The following SCAPER variants were observed in gnomAD, a reference collection of about 807,000 sequenced individuals.
The protein encoded by SCAPER is S phase cyclin A-associated protein in the endoplasmic reticulum.
In SCAPER, 98 loss-of-function variants were observed where a neutral mutation model predicts 182.2. That is an observed-to-expected ratio of 0.54 (90% CI 0.46 to 0.64). SCAPER has a LOEUF of 0.64. Among genes scored for constraint, SCAPER ranks in the 30% least tolerant of loss-of-function variants. The probability of loss-of-function intolerance (pLI) is 0.00; values close to 1 mark genes in which losing one functional copy is unlikely to be tolerated. For synonymous variants in SCAPER, 605 were observed against 564.6 expected (o/e 1.07, Z -1.01); for missense variants, 1,432 against 1,690.0 (o/e 0.85, Z 2.68).
At chr15:76,745,722 G>A (rs1191019188) in intron 15 of SCAPER, among the ~76,000 whole-genome samples, 1 of 152,086 alleles carries the variant, frequency 6.6e-6, no homozygotes, top group Non-Finnish European at 1.5e-5. Flanking sequence ...AGTCACTTTG[G>A]CTTAATAAAA....
intron 22 of SCAPER, among the ~76,000 whole-genome samples, chr15:76,584,475 T>C (rs1330647484): frequency 2.0e-5 from 3 of 152,172 alleles, no homozygotes; most frequent in Non-Finnish European, 4.4e-5. Context: ...TTTACCCTGA[T>C]GTGATTATTA....
At chr15:76,743,450 G>C (rs2061647503) in intron 15 of SCAPER, among the ~76,000 whole-genome samples, 1 of 152,060 alleles carries the variant, frequency 6.6e-6, no homozygotes, top group African/African-American at 2.4e-5. Context: ...TTCTGGCAAG[G>C]TTTCAGGATA....
In SCAPER at chr15:76,731,723, T is replaced by C. The variant is rs149005502; in HGVS notation, c.2022+1506A>G. 8.5e-5 allele frequency among the ~76,000 whole-genome samples: 13 copies of C among 152,342 alleles called. No homozygotes were observed. In the East Asian group the frequency reaches 2.1e-3, roughly 25 times the overall value. On this transcript the variant is annotated intron_variant, in intron 16 of 31. Coordinates refer to ENST00000563290, the MANE Select transcript of SCAPER (RefSeq NM_020843.4). Reference sequence around the variant, plus strand: ...CAAGCATATGTAGACAGGTTTAAAATCTTTCACTGAAATTAAATCCATAGG... The same window carrying C: ...CAAGCATATGTAGACAGGTTTAAAACCTTTCACTGAAATTAAATCCATAGG...
Position 76,708,437 on chromosome 15 carries a change from T to A in SCAPER, c.2166-2453A>T, listed in dbSNP as rs543931368. Among the ~76,000 whole-genome samples, 3 of 151,026 alleles carry A rather than the reference T, an allele frequency of 2.0e-5. No individual in the cohort carries two copies. In the South Asian group the frequency reaches 6.3e-4, roughly 32 times the overall value. ...GAAAAAAAGTATACCTTTAAATATTTATATTAGAAATGCAGGGAGGGTGGG... is the reference window on the plus strand; with the variant it reads ...GAAAAAAAGTATACCTTTAAATATTAATATTAGAAATGCAGGGAGGGTGGG... On this transcript the variant is annotated intron_variant, in intron 17 of 31. Coordinates refer to ENST00000563290, the MANE Select transcript of SCAPER (RefSeq NM_020843.4).
intron 4 of SCAPER, among the ~76,000 whole-genome samples, chr15:76,848,292 G>A (rs1437299639): frequency 3.3e-5 from 5 of 149,520 alleles, no homozygotes; most frequent in South Asian, 2.1e-4. Context: ...GAGCCACCGC[G>A]CCTGGCCTAA....
rs369479682 is a variant in SCAPER, at chr15:76,649,449, CA to C, written c.2645+16203del. On this transcript the variant is annotated intron_variant, in intron 21 of 31. Transcript: ENST00000563290. ...TCCCCCTGCTCCCCACCACCACCCC[CA>C]AAAAAAAACAGCAACAACAAACAAA... Among the ~76,000 whole-genome samples the C allele has an allele frequency of 7.5e-5, 11 of 147,544 alleles. No individual in the cohort carries two copies. The South Asian group carries it at 8.6e-4, about 11-fold the overall frequency.
rs1291777460 is a variant in SCAPER, at chr15:76,601,885, A to G, written c.2711+19879T>C. On this transcript the variant is annotated intron_variant, in intron 22 of 31. Coordinates refer to ENST00000563290, the MANE Select transcript of SCAPER (RefSeq NM_020843.4). ...TTGGTATATGTGTGAGATTGGTTCC[A>G]GGAACCCCATGTAAAGCAAAATCTG... Among the ~76,000 whole-genome samples, 3 of 121,508 alleles carry G rather than the reference A, an allele frequency of 2.5e-5. 1 individual carries two copies. The highest frequency in any genetic ancestry group is 4.0e-5 in the Non-Finnish European group (2 of 50,110). 79.7% of individuals were successfully genotyped at this position (121,508 alleles called of 152,430 possible). A position where few individuals can be genotyped will look rare whatever the true frequency, so the allele number is the denominator to read the frequency against.
At chr15:76,788,504 T>C in intron 8 of SCAPER, among the ~76,000 whole-genome samples, 1 of 152,114 alleles carries the variant, frequency 6.6e-6, no homozygotes, top group Admixed American at 6.6e-5. Context: ...TCACTAAAGG[T>C]AAAAAAATTT....
intron 26 of SCAPER, among the ~76,000 whole-genome samples, chr15:76,427,630 G>C (rs980437544): frequency 2.4e-4 from 37 of 152,072 alleles, no homozygotes; most frequent in African/African-American, 8.5e-4. Context: ...AGGACTGCTT[G>C]AGCCCAGGAA....
chr15:76,572,664 C>T (rs1193035456), intron 23 of SCAPER, among the ~76,000 whole-genome samples: 4 of 152,154 alleles, frequency 2.6e-5, no homozygotes, highest in African/African-American at 9.7e-5. Flanking sequence ...CTAGCAGCAT[C>T]AATATGACTT....
chr15:76,629,430 T>C (rs759593206), intron 21 of SCAPER, among the ~76,000 whole-genome samples: 1 of 152,224 alleles, frequency 6.6e-6, no homozygotes, highest in Non-Finnish European at 1.5e-5. Context: ...TTGAAGTATG[T>C]TCCTTCAATA....
Position 76,812,088 on chromosome 15 carries a change from C to A in SCAPER, c.394-7455G>T, listed in dbSNP as rs534905374. ...TAACACTTTGGGAGGCCGAGGCAGG[C>A]AGATCACTTGAGGTCAGGAGTTCGA... On this transcript the variant is annotated intron_variant, in intron 5 of 31. Coordinates refer to ENST00000563290, the MANE Select transcript of SCAPER (RefSeq NM_020843.4). 2.0e-5 allele frequency among the ~76,000 whole-genome samples: 3 copies of A among 152,064 alleles called. No homozygotes were observed. In the South Asian group the frequency reaches 6.2e-4, roughly 32 times the overall value.
intron 22 of SCAPER, among the ~76,000 whole-genome samples, chr15:76,584,763 A>G (rs2048511066): frequency 6.6e-6 from 1 of 152,010 alleles, no homozygotes; most frequent in Non-Finnish European, 1.5e-5. Context: ...TGTTGCCCAC[A>G]CTGTTCTTGA....
intron 8 of SCAPER, among the ~76,000 whole-genome samples, chr15:76,790,205 TGG>T (rs1446645078): frequency 6.8e-6 from 1 of 146,334 alleles, no homozygotes; most frequent in East Asian, 2.0e-4. Context: ...CACTCCAGCC[TGG>T]GAGACAGAGC....
chr15:76,529,488 G>C lies in SCAPER; in HGVS notation c.2839-24514C>G, dbSNP rs139776255. Among the ~76,000 whole-genome samples, 123 of 152,354 alleles carry C rather than the reference G, an allele frequency of 8.1e-4. 2 individuals carry two copies. In the East Asian group the frequency reaches 0.023, roughly 28 times the overall value. ...GTAGTATGTTAGATGGTCAGATGTA[G>C]TCCTTTATTACCCATAAGGACCACA... On this transcript the variant is annotated intron_variant, in intron 23 of 31. Transcript: ENST00000563290.
At chr15:76,733,480 G>T in intron 15 of SCAPER, 96 bp from the exon 16 acceptor site, 1 of 1,401,934 alleles carries the variant, frequency 7.1e-7, no homozygotes, top group Non-Finnish European at 9.5e-7. Context: ...TGGGCGTGGT[G>T]GTTCACGCCT....
chr15:76,880,207 C>T (rs999495479), intron 2 of SCAPER, among the ~76,000 whole-genome samples: 7 of 152,156 alleles, frequency 4.6e-5, no homozygotes, highest in African/African-American at 1.4e-4. Flanking sequence ...TTCAGGTTAC[C>T]ACTATGAACA....
intron 23 of SCAPER, among the ~76,000 whole-genome samples, chr15:76,540,524 ATTT>A (rs2044643526): frequency 6.6e-6 from 1 of 152,120 alleles, no homozygotes; most frequent in African/African-American, 2.4e-5. Flanking sequence ...ACACGTCTAT[ATTT>A]TTATTTTTTT....
chr15:76,585,139 A>C (rs1364984623), intron 22 of SCAPER, among the ~76,000 whole-genome samples: 1 of 152,132 alleles, frequency 6.6e-6, no homozygotes, highest in Admixed American at 6.6e-5. Context: ...AACTTCTCTG[A>C]ATCTCAGTTT....
Sources: allele counts gnomAD v4.1 joint callset (sites outside exome capture counted in the v4.1 genomes callset), GRCh38; gene constraint gnomAD v4.1.1; transcripts MANE v1.5; gene names NCBI Gene and HGNC (gene_info 2026-07-23, HGNC 2026-07-21).